The following TSC1 variants were observed in gnomAD, a reference collection of about 807,000 sequenced individuals.
The protein encoded by TSC1 is TSC complex subunit 1, also known as hamartin.
In TSC1, 20 loss-of-function variants were observed where a neutral mutation model predicts 124.3. The observed-to-expected ratio is 0.16, with a 90% CI of 0.11 to 0.23. TSC1 has a LOEUF of 0.23. Among genes scored for constraint, TSC1 ranks in the 10% least tolerant of loss-of-function variants. TSC1 has a pLI of 1.00. For missense variants in TSC1, 1,124 were observed against 1,448.5 expected, an observed-to-expected ratio of 0.78 and a Z score of 3.64; for synonymous variants, 493 against 539.1, an observed-to-expected ratio of 0.91 and a Z score of 1.19.
At chr9:132,943,307 C>T (rs529024697) in intron 1 of TSC1, among the ~76,000 whole-genome samples, 1 of 150,512 alleles carries the variant, frequency 6.6e-6, no homozygotes, top group Non-Finnish European at 1.5e-5. Context: ...ATTAAACTAT[C>T]AAATACTTTT....
rs992654850 is a variant in TSC1, at chr9:132,921,559, C to A, written c.664-123G>T. On this transcript the variant is annotated intron_variant, in intron 7 of 22. Coordinates refer to ENST00000298552, the MANE Select transcript of TSC1 (RefSeq NM_000368.5). The surrounding 1 kb of genome is among the most constrained non-coding windows in gnomAD (Gnocchi z 4.3). ...ATACATGTTATAACACAGATGGAAC[C>A]TTGAGAACATTATACTGAGTGAAAG... is the stretch of plus-strand genomic sequence containing the variant. 4.2e-6 allele frequency: 5 copies of A among 1,188,918 alleles called. No homozygotes were observed. In the Admixed American group the frequency reaches 9.5e-5, roughly 23 times the overall value. 73.6% of individuals were successfully genotyped at this position (1,188,918 alleles called of 1,614,324 possible). A position where few individuals can be genotyped will look rare whatever the true frequency, so the allele number is the denominator to read the frequency against.
rs560470107 is a variant in TSC1 at position 132,897,088 on chromosome 9, A to T, written c.2975+96T>A. On this transcript the variant is annotated intron_variant, in intron 22 of 22. Transcript: ENST00000298552. ...GTGAGCTGAGTGTTGCAGCCTGTCT[A>T]GTCAGCAGTAACTGCTTCCCACACC... The T allele has an allele frequency of 7.6e-6, 12 of 1,579,562 alleles. No homozygotes were observed. In the Admixed American group the frequency reaches 1.5e-4, roughly 20 times the overall value.
At chr9:132,917,816 T>G (rs1214168291) in intron 8 of TSC1, among the ~76,000 whole-genome samples, 1 of 152,194 alleles carries the variant, frequency 6.6e-6, no homozygotes, top group Non-Finnish European at 1.5e-5. Flanking sequence ...ATTTTTAATT[T>G]TGAAGAGTTC....
intron 1 of TSC1, chr9:132,941,444 G>A (rs1050562231): frequency 1.3e-5 from 2 of 152,084 alleles, no homozygotes; most frequent in African/African-American, 4.8e-5. Flanking sequence ...TTTAAATGGA[G>A]AATGAGTATT....
Position 132,902,661 on chromosome 9 carries a change from T to A in TSC1, c.2335A>T (p.Ile779Phe), listed in dbSNP as rs1845445721. The change falls in exon 18 of 23, where the codon ATC becomes TTC. Residue 779 changes from isoleucine to phenylalanine, a missense_variant. Physicochemically the swap from Ile to Phe is conservative, Grantham distance 21. This residue lies in a region of TSC1 where 321 missense variants were observed against 397.4 expected (regional missense o/e 0.81). Coordinates refer to ENST00000298552, the MANE Select transcript of TSC1 (RefSeq NM_000368.5). This position sits in a 1 kb window ranked among gnomAD's most constrained non-coding sequence, Gnocchi z 5.2. ...DTMVTKLHSQ[I>F]RQLQHDREEF... is the part of the protein sequence containing the mutation. The stretch of plus-strand genomic sequence containing the variant: ...TCTCGGTCATGCTGCAGCTGTCTGA[T>A]CTGGCTGTGGAGCTTGGTTACCATA... 6.2e-7 allele frequency: 1 copy of A among 1,614,192 alleles called. No individual in the cohort carries two copies. Among genetic ancestry groups the A allele is most frequent in the Non-Finnish European group, 8.5e-7 (1 of 1,180,034 alleles).
At chr9:132,926,525 C>T (rs948952917) in intron 4 of TSC1, 4 of 154,390 alleles carry the variant, frequency 2.6e-5, no homozygotes, top group African/African-American at 9.7e-5. Context: ...AAACAAGACT[C>T]ATTAATTTGT....
At chr9:132,911,243 T>C in intron 10 of TSC1, 130 bp from the exon 11 acceptor site, 1 of 856,752 alleles carries the variant, frequency 1.2e-6, no homozygotes, top group Non-Finnish European at 2.0e-6. Context: ...ATTAAAAGCG[T>C]ATCAAGAAAC....
intron 1 of TSC1, among the ~76,000 whole-genome samples, 179 bp downstream of exon 1, chr9:132,944,364 G>A (rs1032828741): frequency 2.6e-5 from 4 of 152,148 alleles, no homozygotes; most frequent in Admixed American, 6.5e-5. Context: ...CGGGCCAGCC[G>A]GAGATAGCGT....
chr9:132,910,955 A>G (rs1845923051), intron 11 of TSC1, 47 bp downstream of exon 11: 1 of 1,549,298 alleles, frequency 6.5e-7, no homozygotes, highest in Non-Finnish European at 8.9e-7. Context: ...CTGCCATTAA[A>G]GGCAGGCCAA....
chr9:132,931,189 T>G (rs1025361556), intron 2 of TSC1: 6 of 152,202 alleles, frequency 3.9e-5, no homozygotes, highest in African/African-American at 1.4e-4. Context: ...TGGTTTTGTT[T>G]CAATAAAATT....
intron 9 of TSC1, 132 bp from the exon 10 acceptor site, chr9:132,911,700 T>C: frequency 1.6e-6 from 1 of 614,044 alleles, no homozygotes; most frequent in African/African-American, 2.0e-5. Context: ...TCTCTGTACC[T>C]AAAAAATCTG....
chr9:132,915,836 G>A (rs1846248783), intron 8 of TSC1, among the ~76,000 whole-genome samples: 1 of 152,196 alleles, frequency 6.6e-6, no homozygotes, highest in South Asian at 2.1e-4. Flanking sequence ...TCCCTGAAGA[G>A]CGAGCCTTTC....
chr9:132,941,979 CTGAA>C (rs976296277), intron 1 of TSC1: 2 of 152,176 alleles, frequency 1.3e-5, no homozygotes, highest in African/African-American at 4.8e-5. Flanking sequence ...CTAGAAAAGC[CTGAA>C]ATGGTTGAGA....
At chr9:132,909,361 CCA>C (rs1303890017) in intron 12 of TSC1, among the ~76,000 whole-genome samples, 2 of 152,352 alleles carry the variant, frequency 1.3e-5, no homozygotes, top group East Asian at 3.9e-4. Flanking sequence ...AACTAAGCTT[CCA>C]CAGACTTTTC....
rs918075245 is a variant in TSC1, at chr9:132,895,384, A to G, written c.*851T>C. ...CTAAAGGTGCAGTTCCTCATGCTCA[A>G]GTGCTTCTCGGGTAACCTCTCCCAG... is the stretch of plus-strand genomic sequence containing the variant. On this transcript the variant is annotated 3_prime_UTR_variant, in exon 23 of 23. Coordinates refer to ENST00000298552, the MANE Select transcript of TSC1 (RefSeq NM_000368.5). 1.7e-5 allele frequency: 4 copies of G among 233,448 alleles called. No individual in the cohort carries two copies. Among genetic ancestry groups the G allele is most frequent in the African/African-American group, 6.6e-5 (3 of 45,354 alleles). The allele number at this position is 233,448 out of a possible 1,614,324, so 14.5% of individuals were successfully genotyped here.
chr9:132,908,119 T>C (rs931931646), intron 12 of TSC1, among the ~76,000 whole-genome samples: 1 of 150,416 alleles, frequency 6.6e-6, no homozygotes, highest in African/African-American at 2.5e-5. Context: ...AATGAGAAAG[T>C]TGGAGAATCC....
chr9:132,891,856 C>T lies in TSC1; in HGVS notation c.*4379G>A. On this transcript the variant is annotated 3_prime_UTR_variant, in exon 23 of 23. Coordinates refer to ENST00000298552, the MANE Select transcript of TSC1 (RefSeq NM_000368.5). ...AGCACCATACCCTCCTGTCCAAACA[C>T]TGTAAGAGGTGGGGAAAGGGAGGGA... is the stretch of plus-strand genomic sequence containing the variant. 4.3e-6 allele frequency: 1 copy of T among 233,652 alleles called. No individual in the cohort carries two copies. The highest frequency in any genetic ancestry group is 6.0e-5 in the East Asian group (1 of 16,582). The allele number at this position is 233,652 out of a possible 1,614,324, so 14.5% of individuals were successfully genotyped here.
intron 8 of TSC1, among the ~76,000 whole-genome samples, chr9:132,920,135 T>G (rs930859076): frequency 6.6e-6 from 1 of 152,184 alleles, no homozygotes; most frequent in African/African-American, 2.4e-5. Context: ...TTCATGACCT[T>G]GTGCACTGAC....
chr9:132,914,048 G>A (rs1057022571), intron 8 of TSC1, among the ~76,000 whole-genome samples: 3 of 151,246 alleles, frequency 2.0e-5, no homozygotes, highest in Admixed American at 1.3e-4. Flanking sequence ...CCAGGTGCCC[G>A]CCACCATCCC....
Sources: gnomAD v4.1 joint callset for allele counts (sites outside exome capture counted in the v4.1 genomes callset) on GRCh38, gnomAD v4.1.1 for gene constraint, gnomAD v4.1.1 regional missense constraint, Gnocchi (gnomAD v3.1) non-coding constraint, MANE v1.5 for transcripts, NCBI Gene and HGNC (gene_info 2026-07-23, HGNC 2026-07-21) for gene names.